The following PON1 variants were observed in gnomAD, a reference collection of about 807,000 sequenced individuals.
PON1 encodes the protein serum paraoxonase/arylesterase 1.
PON1 carries 37 observed loss-of-function variants against 39.2 expected under a neutral mutation model. The ratio of observed to expected loss-of-function variants is 0.94; its 90% CI spans 0.73 to 1.24. The LOEUF is 1.24. Ranked by LOEUF, PON1 falls within the 50% of genes most tolerant of loss-of-function variation. The probability of loss-of-function intolerance (pLI) is 0.00; values close to 1 mark genes in which losing one functional copy is unlikely to be tolerated. For synonymous variants in PON1, 148 were observed against 152.2 expected, an observed-to-expected ratio of 0.97 and a Z score of 0.21; for missense variants, 397 against 413.5, an observed-to-expected ratio of 0.96 and a Z score of 0.35.
chr7:95,305,795 G>A (rs1422693898), intron 7 of PON1, among the ~76,000 whole-genome samples: 1 of 152,142 alleles, frequency 6.6e-6, no homozygotes, highest in Non-Finnish European at 1.5e-5. Flanking sequence ...GGAGGTAAAG[G>A]CAGAGAGGTG....
intron 7 of PON1, among the ~76,000 whole-genome samples, chr7:95,305,740 G>A (rs984350117): frequency 7.2e-5 from 11 of 152,062 alleles, no homozygotes; most frequent in African/African-American, 2.4e-4. Flanking sequence ...ATGGTGCCCC[G>A]TTCTGAGACA....
chr7:95,302,609 C>T (rs1305231651), intron 7 of PON1, among the ~76,000 whole-genome samples: 1 of 151,170 alleles, frequency 6.6e-6, no homozygotes, highest in East Asian at 2.0e-4. Context: ...TTTGTACCAA[C>T]ATCTGTGCAT....
Position 95,308,097 on chromosome 7 carries a change from A to G in PON1, c.612T>C (p.Tyr204=), listed in dbSNP as rs1303709980. The change falls in exon 6 of 9, where the codon TAT becomes TAC. Residue 204 remains tyrosine (Y), a synonymous_variant. Coordinates refer to ENST00000222381, the MANE Select transcript of PON1 (RefSeq NM_000446.7). ...WEMYLGLAWS[Y]VVYYSPSEVR... ...CTTCACTTGGACTATAGTAGACAAC[A>G]TACGACCACGCTAAACCCAAATACA... 1.2e-6 allele frequency: 2 copies of G among 1,614,164 alleles called. No homozygotes were observed. The highest frequency in any genetic ancestry group is 1.7e-5 in the Admixed American group (1 of 60,018).
chr7:95,314,363 C>CAAAACAAAACAA (rs1209706904), intron 4 of PON1, among the ~76,000 whole-genome samples: 10 of 148,832 alleles, frequency 6.7e-5, no homozygotes, highest in Admixed American at 4.0e-4. Context: ...ATCTCAAAAA[C>CAAAACAAAACAA]AAAACAAAAC....
chr7:95,324,411 G>A lies in PON1; in HGVS notation c.65C>T (p.Ser22Phe), dbSNP rs745880900. ...CCACAACCCAACTTACTGGTAAGAA[G>A]ACTGGTGGTTCCTGAAGAGTGCCAG... ...MGLALFRNHQSSYQTRLNALR... is the reference protein window; with the variant it reads ...MGLALFRNHQFSYQTRLNALR... The change falls in exon 1 of 9, where the codon TCT becomes TTT. Residue 22 changes from serine to phenylalanine, a missense_variant. Transcript: ENST00000222381. 1.7e-5 allele frequency: 28 copies of A among 1,614,058 alleles called. No individual in the cohort carries two copies. The highest frequency in any genetic ancestry group is 1.7e-6 in the Non-Finnish European group (2 of 1,180,018).
intron 6 of PON1, among the ~76,000 whole-genome samples, chr7:95,307,058 TC>T (rs1461571918): frequency 2.1e-4 from 28 of 136,442 alleles, no homozygotes; most frequent in East Asian, 7.3e-4. Context: ...TTTCTTTCTT[TC>T]TTTTTTTTTT....
At chr7:95,314,402 G>A (rs954161125) in intron 4 of PON1, among the ~76,000 whole-genome samples, 8 of 150,996 alleles carry the variant, frequency 5.3e-5, no homozygotes, top group African/African-American at 1.7e-4. Context: ...AAGGAAGGAA[G>A]GAAGGGAAGA....
chr7:95,319,349 G>A (rs941927533), intron 1 of PON1, among the ~76,000 whole-genome samples: 16 of 152,200 alleles, frequency 1.1e-4, no homozygotes, highest in South Asian at 2.1e-4. Flanking sequence ...ATAGGAATTT[G>A]GGGGTGATTG....
At chr7:95,302,176 C>T in intron 8 of PON1, 29 bp downstream of exon 8, 1 of 1,510,074 alleles carries the variant, frequency 6.6e-7, no homozygotes, top group African/African-American at 1.4e-5. Flanking sequence ...GGAATAAAGT[C>T]ACTTATCTGG....
chr7:95,311,469 C>T lies in PON1; in HGVS notation c.479G>A (p.Arg160Lys). ...TCAGTACTTAGGCAGAAGTTTATGT[C>T]TGATGGTTTTTAGATGCAAAAGCGA... ...EKSLLHLKTI[R>K]HKLLPNLNDI... The change falls in exon 5 of 9, where the codon AGA becomes AAA. Residue 160 changes from arginine (R) to lysine (K), a missense_variant. Physicochemically the swap from Arg to Lys is conservative, Grantham distance 26. Transcript: ENST00000222381. 6.2e-7 allele frequency: 1 copy of T among 1,614,032 alleles called. No individual in the cohort carries two copies. The highest frequency in any genetic ancestry group is 8.5e-7 in the Non-Finnish European group (1 of 1,179,930).
chr7:95,310,024 C>A (rs1340347935), intron 5 of PON1, among the ~76,000 whole-genome samples: 3 of 152,122 alleles, frequency 2.0e-5, no homozygotes, highest in Non-Finnish European at 4.4e-5. Flanking sequence ...GTAACGTAGA[C>A]CAATCTGAGA....
At chr7:95,317,573 C>CA (rs869140411) in intron 2 of PON1, among the ~76,000 whole-genome samples, 3,652 of 46,776 alleles carry the variant, frequency 0.078, 203 homozygotes, top group African/African-American at 0.19. Flanking sequence ...TCTAAAAGAA[C>CA]AAAAAAAAAA....
At chr7:95,320,442 A>G (rs1441719433) in intron 1 of PON1, among the ~76,000 whole-genome samples, 1 of 152,246 alleles carries the variant, frequency 6.6e-6, no homozygotes, top group African/African-American at 2.4e-5. Context: ...TGGCCCAAAC[A>G]TGTCATATCT....
intron 7 of PON1, among the ~76,000 whole-genome samples, chr7:95,305,330 C>A (rs1328426693): frequency 4.6e-5 from 7 of 152,090 alleles, no homozygotes; most frequent in African/African-American, 1.4e-4. Context: ...TTTGTGTTTT[C>A]ACCCATTTTG....
At chr7:95,310,509 A>G (rs1435759467) in intron 5 of PON1, among the ~76,000 whole-genome samples, 2 of 152,184 alleles carry the variant, frequency 1.3e-5, no homozygotes, top group African/African-American at 4.8e-5. Context: ...GCAGAAGATG[A>G]CCTGAGCTGG....
chr7:95,312,458 G>A (rs1297001786), intron 4 of PON1, among the ~76,000 whole-genome samples: 1 of 152,208 alleles, frequency 6.6e-6, no homozygotes, highest in African/African-American at 2.4e-5. Flanking sequence ...CTGCTAAAAT[G>A]ATTTTCATTA....
chr7:95,316,354 G>T (rs1356606898), intron 3 of PON1, among the ~76,000 whole-genome samples: 1 of 152,168 alleles, frequency 6.6e-6, no homozygotes, highest in Non-Finnish European at 1.5e-5. Flanking sequence ...AAATGTGAAA[G>T]TTGAAATGAC....
chr7:95,308,173 T>C lies in PON1; in HGVS notation c.536A>G (p.Tyr179Cys), dbSNP rs1266858343. ...DIVAVGPEHF[Y>C]GTNDHYFLDP... is the part of the protein sequence containing the mutation. The stretch of plus-strand genomic sequence containing the variant: ...AAGAAAATAGTGATCATTTGTGCCA[T>C]AAAAGTGCTCAGGTCCCACAGCAAC... The change falls in exon 6 of 9, where the codon TAT becomes TGT. Residue 179 changes from tyrosine to cysteine, a missense_variant. Transcript: ENST00000222381. The C allele has an allele frequency of 3.1e-6, 5 of 1,614,112 alleles. No individual in the cohort carries two copies. The Admixed American group carries it at 8.3e-5, about 27-fold the overall frequency.
At chr7:95,323,243 A>G (rs765118418) in intron 1 of PON1, among the ~76,000 whole-genome samples, 3 of 151,982 alleles carry the variant, frequency 2.0e-5, no homozygotes, top group African/African-American at 7.3e-5. Context: ...TGTCTGGGTC[A>G]CTCCAGGAGG....
Sources: allele counts gnomAD v4.1 joint callset (sites outside exome capture counted in the v4.1 genomes callset), GRCh38; gene constraint gnomAD v4.1.1; transcripts MANE v1.5; gene names NCBI Gene and HGNC (gene_info 2026-07-23, HGNC 2026-07-21).